The following DNAH14 variants were observed in gnomAD, a reference collection of about 807,000 sequenced individuals.
The protein encoded by DNAH14 is axonemal beta dynein heavy chain 14.
In DNAH14, 478 loss-of-function variants were observed where a neutral mutation model predicts 520.9. That is an observed-to-expected ratio of 0.92 (90% CI 0.85 to 0.99). The LOEUF (loss-of-function observed/expected upper bound fraction) is 0.99. Among genes scored for constraint, DNAH14 ranks in the 50% least tolerant of loss-of-function variants. The pLI, the probability that DNAH14 is intolerant of heterozygous loss-of-function variation, is 0.00. For synonymous variants in DNAH14, 1,581 were observed against 1,757.2 expected (o/e 0.90, Z 2.51); for missense variants, 4,831 against 5,234.5 (o/e 0.92, Z 2.38).
intron 17 of DNAH14, among the ~76,000 whole-genome samples, chr1:225,065,711 A>G (rs2070790668): frequency 6.6e-6 from 1 of 152,054 alleles, no homozygotes; most frequent in Admixed American, 6.6e-5. Flanking sequence ...TTTCTTTTTT[A>G]AAGCTGAATA....
chr1:225,371,982 G>A (rs1019859250), intron 77 of DNAH14, among the ~76,000 whole-genome samples: 10 of 152,070 alleles, frequency 6.6e-5, no homozygotes, highest in Non-Finnish European at 1.3e-4. Flanking sequence ...ATGAGGTAAG[G>A]ACACTAATTA....
intron 18 of DNAH14, 124 bp downstream of exon 18, chr1:225,079,672 C>CTT (rs58242386): frequency 0.51 from 164,877 of 323,222 alleles, 35,736 homozygotes; most frequent in Admixed American, 0.58. Flanking sequence ...TACAAGTATT[C>CTT]TTTTTTTTTT....
chr1:224,972,865 T>C (rs2061584010), intron 7 of DNAH14, among the ~76,000 whole-genome samples: 1 of 152,196 alleles, frequency 6.6e-6, no homozygotes. Context: ...TGTTAACAAC[T>C]TAAGCTGGTG....
intron 32 of DNAH14, 131 bp from the exon 33 acceptor site, chr1:225,152,566 C>A: frequency 1.1e-6 from 1 of 878,296 alleles, no homozygotes; most frequent in Non-Finnish European, 1.7e-6. Flanking sequence ...TAAAAACTAT[C>A]TTGTAAACTA....
In DNAH14 at chr1:225,149,290, G is replaced by GT. The variant is rs768102827; in HGVS notation, c.4940+2047dup. Among the ~76,000 whole-genome samples, 37 of 152,186 alleles carry GT rather than the reference G, an allele frequency of 2.4e-4. 1 individual carries two copies. The East Asian group carries it at 7.0e-3, about 29-fold the overall frequency. On this transcript the variant is annotated intron_variant, in intron 31 of 85. Transcript: ENST00000682510. ...TTCTGTTCCATTGGTCTATGTGCCTGTTTTTTGTACCAGTACCATGCTGTT... is the reference window on the plus strand; with the variant it reads ...TTCTGTTCCATTGGTCTATGTGCCTGTTTTTTTGTACCAGTACCATGCTGTT...
chr1:224,964,463 A>C lies in DNAH14; in HGVS notation c.368-16A>C, dbSNP rs1437221868. On this transcript the variant is annotated splice_polypyrimidine_tract_variant and intron_variant, in intron 4 of 85. Coordinates refer to ENST00000682510, the MANE Select transcript of DNAH14 (RefSeq NM_001367479.1). Reference sequence around the variant, plus strand: ...CATTTGCACTTATACTGGATTTTTAAATTGTTCTATACCAGAACCAAAAGA... The same window carrying C: ...CATTTGCACTTATACTGGATTTTTACATTGTTCTATACCAGAACCAAAAGA... 9 of 1,591,040 alleles carry C rather than the reference A, an allele frequency of 5.7e-6. No individual in the cohort carries two copies. The highest frequency in any genetic ancestry group is 7.7e-6 in the Non-Finnish European group (9 of 1,168,796).
In DNAH14 at chr1:225,100,848, T is replaced by A; in HGVS notation, c.3831T>A (p.Cys1277Ter). The A allele has an allele frequency of 6.5e-7, 1 of 1,529,254 alleles. No individual in the cohort carries two copies. Among genetic ancestry groups the A allele is most frequent in the Non-Finnish European group, 8.8e-7 (1 of 1,141,222 alleles). The allele number at this position is 1,529,254 out of a possible 1,614,324, so 94.7% of individuals were successfully genotyped here. A position where few individuals can be genotyped will look rare whatever the true frequency, so the allele number is the denominator to read the frequency against. Residue 1277 changes from cysteine to a stop codon, truncating the protein, a stop_gained, in exon 23 of 86, where the codon TGT (cysteine) becomes TGA (stop). Transcript: ENST00000682510. LOFTEE classifies it high-confidence loss of function. The stretch of plus-strand genomic sequence containing the variant: ...GAGTCCTTGAAATTCTGCAAAATTG[T>A]AATATACATCTTGAACATATAAAGA... ...SAGVLEILQN[C>*]NIHLEHIKKS...
chr1:225,073,460 A>G (rs61849800), intron 17 of DNAH14, among the ~76,000 whole-genome samples: 13,216 of 152,038 alleles, frequency 0.087, 865 homozygotes, highest in East Asian at 0.3. Flanking sequence ...TTGGGAACCC[A>G]CTTAAAGAAG....
At chr1:225,166,454 A>G (rs12090119) in intron 35 of DNAH14, among the ~76,000 whole-genome samples, 23,462 of 152,194 alleles carry the variant, frequency 0.15, 2,127 homozygotes, top group East Asian at 0.36. Flanking sequence ...ATATAGAAAT[A>G]TCACAAAGAT....
At chr1:224,982,678 T>G (rs769823841) in intron 8 of DNAH14, among the ~76,000 whole-genome samples, 2 of 152,204 alleles carry the variant, frequency 1.3e-5, no homozygotes, top group Non-Finnish European at 2.9e-5. Flanking sequence ...ATTTTTAAAT[T>G]TTCATCTTGA....
intron 49 of DNAH14, among the ~76,000 whole-genome samples, chr1:225,269,711 C>A (rs899846071): frequency 6.6e-6 from 1 of 152,062 alleles, no homozygotes; most frequent in African/African-American, 2.4e-5. Flanking sequence ...TTTATGCAGC[C>A]AAAGACACAT....
intron 8 of DNAH14, among the ~76,000 whole-genome samples, chr1:225,000,345 A>G (rs181510144): frequency 1.7e-4 from 26 of 152,042 alleles, no homozygotes; most frequent in African/African-American, 6.0e-4. Flanking sequence ...TGACTTTGAC[A>G]TGTTTTTGGT....
rs187726991 is a variant in DNAH14 at position 225,070,743 on chromosome 1, C to T, written c.2425-8464C>T. 5.9e-4 allele frequency among the ~76,000 whole-genome samples: 90 copies of T among 152,118 alleles called. 1 individual carries two copies. The highest frequency in any genetic ancestry group is 1.9e-3 in the African/African-American group (79 of 41,486). ...GGTCCATTTGATCCAGTGCTGGGCT[C>T]GGGTTGTGAATATCTTTGTTAACTT... On this transcript the variant is annotated intron_variant, in intron 17 of 85. Transcript: ENST00000682510.
At chr1:225,071,771 A>G (rs2071573374) in intron 17 of DNAH14, among the ~76,000 whole-genome samples, 1 of 152,174 alleles carries the variant, frequency 6.6e-6, no homozygotes, top group Admixed American at 6.5e-5. Flanking sequence ...TGGTGACAGG[A>G]AGGAGAAGTG....
intron 27 of DNAH14, among the ~76,000 whole-genome samples, chr1:225,133,887 C>T (rs967748387): frequency 6.6e-6 from 1 of 152,076 alleles, no homozygotes; most frequent in Admixed American, 6.6e-5. Context: ...TGTTTGTATC[C>T]TCTCTGATTT....
chr1:225,214,488 G>A (rs1483474809), intron 41 of DNAH14, among the ~76,000 whole-genome samples: 2 of 152,166 alleles, frequency 1.3e-5, no homozygotes, highest in Non-Finnish European at 2.9e-5. Context: ...AATGGTACCA[G>A]CTCCTCCTTG....
At chr1:225,266,798 A>G in intron 49 of DNAH14, 29 bp downstream of exon 49, 1 of 1,446,182 alleles carries the variant, frequency 6.9e-7, no homozygotes, top group South Asian at 1.4e-5. Context: ...TTTTGTTCAC[A>G]TTAAGTATTA....
intron 1 of DNAH14, among the ~76,000 whole-genome samples, chr1:224,939,043 A>G (rs2059228965): frequency 6.6e-6 from 1 of 152,228 alleles, no homozygotes; most frequent in South Asian, 2.1e-4. Context: ...AGGGGGATGA[A>G]TGGAAAAAGA....
chr1:224,955,753 A>G (rs2060472905), intron 3 of DNAH14, among the ~76,000 whole-genome samples: 1 of 151,946 alleles, frequency 6.6e-6, no homozygotes, highest in Non-Finnish European at 1.5e-5. Context: ...GGTCCATCAG[A>G]TATATTCTCT....
Sources: gnomAD v4.1 joint callset for allele counts (sites outside exome capture counted in the v4.1 genomes callset) on GRCh38, gnomAD v4.1.1 for gene constraint, MANE v1.5 for transcripts, NCBI Gene and HGNC (gene_info 2026-07-23, HGNC 2026-07-21) for gene names.